The following PCDHGA1 variants were observed in gnomAD, a reference collection of about 807,000 sequenced individuals.
PCDHGA1 encodes protocadherin gamma subfamily A, 1.
PCDHGA1 carries 32 observed loss-of-function variants against 58.0 expected under a neutral mutation model. The ratio of observed to expected loss-of-function variants is 0.55; its 90% CI spans 0.42 to 0.74. The LOEUF is 0.74. Ranked by LOEUF, PCDHGA1 falls within the 30% of genes least tolerant of loss-of-function variation. The pLI, the probability that PCDHGA1 is intolerant of heterozygous loss-of-function variation, is 0.00. For synonymous variants in PCDHGA1, 498 were observed against 501.1 expected (o/e 0.99, Z 0.08); for missense variants, 1,205 against 1,182.3 (o/e 1.02, Z -0.28).
chr5:141,403,026 AGGCCAG>A, intron 1 of PCDHGA1: 1 of 1,614,074 alleles, frequency 6.2e-7, no homozygotes, highest in Non-Finnish European at 8.5e-7. Context: ...ATGCTATGGG[AGGCCAG>A]GGCCAGTCAG....
At position 141,505,499 on chromosome 5, in the gene PCDHGA1, G is replaced by A. The variant is rs753203943; in HGVS notation, c.2569+18G>A. ...CGCCAGTGGTAAGTGGTGTCAGTGT[G>A]TGTATGGAAGAGTGGGAGACCTGGG... is the stretch of plus-strand genomic sequence containing the variant. On this transcript the variant is annotated intron_variant, in intron 3 of 3. Transcript: ENST00000517417. 6.2e-7 allele frequency: 1 copy of A among 1,614,172 alleles called. No homozygotes were observed. The highest frequency in any genetic ancestry group is 8.5e-7 in the Non-Finnish European group (1 of 1,179,982).
rs186288044 is a variant in PCDHGA1, at chr5:141,433,652, A to G, written c.2422-61155A>G. On this transcript the variant is annotated intron_variant, in intron 1 of 3. Transcript: ENST00000517417. ...GGAGTTTGAGACCAGCCTGACCAAC[A>G]TGGAGAAACCCCGTCTATACTAAAA... is the stretch of plus-strand genomic sequence containing the variant. 1.0e-2 allele frequency among the ~76,000 whole-genome samples: 1,520 copies of G among 152,208 alleles called. 33 individuals are homozygous for G. The highest frequency in any genetic ancestry group is 0.034 in the African/African-American group (1,423 of 41,538).
At chr5:141,405,004 G>A in intron 1 of PCDHGA1, 1 of 1,613,960 alleles carries the variant, frequency 6.2e-7, no homozygotes, top group South Asian at 1.1e-5. Flanking sequence ...CTGCAGACCT[G>A]GAGGCCTCAG....
chr5:141,490,480 C>A lies in PCDHGA1; in HGVS notation c.2422-4327C>A, dbSNP rs564439931. ...GCTGCTAACCAGCCAGCCTTTGGAC[C>A]GGGAGGCCACATCCCACTATATCAT... On this transcript the variant is annotated intron_variant, in intron 1 of 3. Transcript: ENST00000517417. The surrounding 1 kb of genome is among the most constrained non-coding windows in gnomAD (Gnocchi z 5.4). 2.5e-5 allele frequency: 40 copies of A among 1,614,076 alleles called. No homozygotes were observed. The highest frequency in any genetic ancestry group is 5.9e-6 in the Non-Finnish European group (7 of 1,180,058).
At chr5:141,496,172 T>C (rs942740022) in intron 2 of PCDHGA1, among the ~76,000 whole-genome samples, 1 of 151,672 alleles carries the variant, frequency 6.6e-6, no homozygotes, top group Non-Finnish European at 1.5e-5. Context: ...CACCCTCCCA[T>C]CCAAGCAGCC....
At chr5:141,453,521 T>A (rs1311886024) in intron 1 of PCDHGA1, among the ~76,000 whole-genome samples, 2 of 152,148 alleles carry the variant, frequency 1.3e-5, no homozygotes, top group Non-Finnish European at 2.9e-5. Flanking sequence ...TCCTCCCCTA[T>A]ACCTTCTGCC....
chr5:141,433,361 ATCT>A, intron 1 of PCDHGA1: 2 of 297,578 alleles, frequency 6.7e-6, no homozygotes, highest in Non-Finnish European at 1.3e-5. Context: ...CTGTCTGCCT[ATCT>A]ATCTATCTAT....
At chr5:141,423,757 G>C (rs562479446) in intron 1 of PCDHGA1, 29 of 395,138 alleles carry the variant, frequency 7.3e-5, no homozygotes, top group African/African-American at 6.1e-4. Flanking sequence ...GTTTGGGGGG[G>C]GGGTGGGGCG....
At chr5:141,468,560 T>TA (rs2099169084) in intron 1 of PCDHGA1, 1 of 152,004 alleles carries the variant, frequency 6.6e-6, no homozygotes, top group Non-Finnish European at 1.5e-5. Context: ...ATTTGTGATA[T>TA]AGTAAACAAT....
At position 141,485,149 on chromosome 5, in the gene PCDHGA1, A is replaced by G; in HGVS notation, c.2422-9658A>G. 6.3e-7 allele frequency: 1 copy of G among 1,578,106 alleles called. No individual in the cohort carries two copies. Among genetic ancestry groups the G allele is most frequent in the South Asian group, 1.1e-5 (1 of 89,070 alleles). ...CGGCTTCATCCGCGTCTCAGGAGCA[A>G]GTAGAGAATTAGCGGGCGGCAGCAA... On this transcript the variant is annotated intron_variant, in intron 1 of 3. Transcript: ENST00000517417. This position sits in a 1 kb window ranked among gnomAD's most constrained non-coding sequence, Gnocchi z 5.7.
At chr5:141,420,210 A>T (rs1415966611) in intron 1 of PCDHGA1, 1 of 1,612,612 alleles carries the variant, frequency 6.2e-7, no homozygotes, top group East Asian at 2.2e-5. Flanking sequence ...CTCAACAAAG[A>T]TAGCATGCTA....
At chr5:141,356,671 CT>C (rs779707398) in intron 1 of PCDHGA1, 2 of 1,614,056 alleles carry the variant, frequency 1.2e-6, no homozygotes, top group Non-Finnish European at 1.7e-6. Context: ...CACTTACTCC[CT>C]GGCCGAAGAC....
At chr5:141,340,056 C>T in intron 1 of PCDHGA1, 2 of 1,614,154 alleles carry the variant, frequency 1.2e-6, no homozygotes, top group South Asian at 1.1e-5. Flanking sequence ...GACTCTCTTC[C>T]AGGAACCATA....
At chr5:141,371,418 G>C (rs761627230) in intron 1 of PCDHGA1, 9 of 1,614,006 alleles carry the variant, frequency 5.6e-6, no homozygotes, top group Middle Eastern at 1.6e-4. Context: ...AGATGAAAAT[G>C]ACAATGCCCC....
At chr5:141,400,629 C>A (rs1416723451) in intron 1 of PCDHGA1, 1 of 1,389,786 alleles carries the variant, frequency 7.2e-7, no homozygotes, top group African/African-American at 1.4e-5. Context: ...TTAGGGAAGT[C>A]AGAGCTGCTC....
At chr5:141,478,251 T>C in intron 1 of PCDHGA1, 1 of 1,614,072 alleles carries the variant, frequency 6.2e-7, no homozygotes, top group Non-Finnish European at 8.5e-7. Context: ...GTGTTCGGAG[T>C]AATCATATTC....
In PCDHGA1 at chr5:141,332,060, C is replaced by T. The variant is rs1756386811; in HGVS notation, c.1376C>T (p.Ala459Val). 1.2e-6 allele frequency: 2 copies of T among 1,614,162 alleles called. No homozygotes were observed. The highest frequency in any genetic ancestry group is 1.7e-6 in the Non-Finnish European group (2 of 1,180,036). ...SPVFHQDSYS[A>V]YIPENNPRGA... ...GTCTTCCATCAGGACTCCTACTCTG[C>T]CTACATTCCCGAAAACAACCCCAGA... The change falls in exon 1 of 4, where the codon GCC (alanine) becomes GTC (valine). Residue 459 changes from alanine (A) to valine (V), a missense_variant. Coordinates refer to ENST00000517417, the MANE Select transcript of PCDHGA1 (RefSeq NM_018912.3). The surrounding 1 kb of genome is among the most constrained non-coding windows in gnomAD (Gnocchi z 4.6).
At chr5:141,389,304 GCTT>G (rs762969573) in intron 1 of PCDHGA1, 2 of 1,614,006 alleles carry the variant, frequency 1.2e-6, no homozygotes, top group Non-Finnish European at 1.7e-6. Context: ...ACAAGTCAGG[GCTT>G]CTGATCCGGA....
intron 1 of PCDHGA1, chr5:141,399,835 C>T (rs756646382): frequency 1.2e-6 from 2 of 1,613,164 alleles, no homozygotes; most frequent in South Asian, 2.2e-5. Flanking sequence ...CGGCTCTGCG[C>T]TCTTCGATAT....
Sources: gnomAD v4.1 joint callset for allele counts (sites outside exome capture counted in the v4.1 genomes callset) on GRCh38, gnomAD v4.1.1 for gene constraint, Gnocchi (gnomAD v3.1) non-coding constraint, MANE v1.5 for transcripts, NCBI Gene and HGNC (gene_info 2026-07-23, HGNC 2026-07-21) for gene names.